The following FOXM1 variants were observed in gnomAD, a reference collection of about 807,000 sequenced individuals.
FOXM1 encodes forkhead box protein M1.
Under a neutral mutation model 63.6 loss-of-function variants are expected in FOXM1, and 25 were observed. The ratio of observed to expected loss-of-function variants is 0.39; its 90% CI spans 0.29 to 0.55. FOXM1 has a LOEUF of 0.55. Ranked by LOEUF, FOXM1 falls within the 20% of genes least tolerant of loss-of-function variation. FOXM1 has a pLI of 0.60. For missense variants in FOXM1, 879 were observed against 958.7 expected, an observed-to-expected ratio of 0.92 and a Z score of 1.10; for synonymous variants, 387 against 376.9, an observed-to-expected ratio of 1.03 and a Z score of -0.31.
At chr12:2,869,593 G>A (rs1057185757) in intron 3 of FOXM1, among the ~76,000 whole-genome samples, 3 of 151,912 alleles carry the variant, frequency 2.0e-5, no homozygotes, top group Non-Finnish European at 4.4e-5. Flanking sequence ...CTGCCACCAC[G>A]CCCAGCTACT....
chr12:2,870,535 C>T (rs2098131305), intron 3 of FOXM1, among the ~76,000 whole-genome samples: 2 of 151,512 alleles, frequency 1.3e-5, no homozygotes, highest in Non-Finnish European at 2.9e-5. Flanking sequence ...TGGTGGCGGG[C>T]GCCTATAGTC....
intron 8 of FOXM1, among the ~76,000 whole-genome samples, chr12:2,861,899 G>A (rs1037058349): frequency 1.3e-5 from 2 of 152,208 alleles, no homozygotes; most frequent in Non-Finnish European, 2.9e-5. Context: ...GACATGTAGA[G>A]GCTGGGCGTG....
intron 1 of FOXM1, among the ~76,000 whole-genome samples, chr12:2,875,213 A>C (rs569901364): frequency 6.6e-6 from 1 of 152,190 alleles, no homozygotes; most frequent in African/African-American, 2.4e-5. Flanking sequence ...GGCTGGTCTC[A>C]AACTCCTGAC....
chr12:2,863,554 A>ATT lies in FOXM1; in HGVS notation c.1266+764_1266+765dup, dbSNP rs575465056. ...CAGGCATGTACTACCACCGTGGCTAATTTTTTTTTTTGCATTTTTAGCAGA... is the reference window on the plus strand; with the variant it reads ...CAGGCATGTACTACCACCGTGGCTAATTTTTTTTTTTTTGCATTTTTAGCAGA... On this transcript the variant is annotated intron_variant, in intron 8 of 8. Transcript: ENST00000359843. Among the ~76,000 whole-genome samples, 732 of 146,262 alleles carry ATT rather than the reference A, an allele frequency of 5.0e-3. 6 individuals carry two copies. The highest frequency in any genetic ancestry group is 0.017 in the African/African-American group (695 of 40,034).
At chr12:2,875,218 C>G (rs2098140449) in intron 1 of FOXM1, among the ~76,000 whole-genome samples, 1 of 152,180 alleles carries the variant, frequency 6.6e-6, no homozygotes, top group Non-Finnish European at 1.5e-5. Context: ...GTCTCAAACT[C>G]CTGACCTCAG....
chr12:2,867,530 C>T (rs948605121), intron 4 of FOXM1, among the ~76,000 whole-genome samples: 3 of 151,826 alleles, frequency 2.0e-5, no homozygotes, highest in Non-Finnish European at 4.4e-5. Context: ...GGCGTAGTGG[C>T]GGGCGCCTGT....
At position 2,874,776 on chromosome 12, in the gene FOXM1, T is replaced by C. The variant is rs1164827831; in HGVS notation, c.-47-251A>G. Among the ~76,000 whole-genome samples the C allele has an allele frequency of 6.6e-6, 1 of 152,020 alleles. No homozygotes were observed. The highest frequency in any genetic ancestry group is 6.6e-5 in the Admixed American group (1 of 15,242). On this transcript the variant is annotated intron_variant, in intron 1 of 8. Coordinates refer to ENST00000359843, the MANE Select transcript of FOXM1 (RefSeq NM_021953.4). The surrounding 1 kb of genome is among the most constrained non-coding windows in gnomAD (Gnocchi z 4.3). ...GACTGGGTTGGAGATAAGACAAAGA[T>C]CTCCTTGAAGCTTCAGAATATTTGG...
At position 2,866,495 on chromosome 12, in the gene FOXM1, C is replaced by T; in HGVS notation, c.873G>A (p.Leu291=). 1 of 1,569,484 alleles carries T rather than the reference C, an allele frequency of 6.4e-7. No homozygotes were observed. Among genetic ancestry groups the T allele is most frequent in the Admixed American group, 2.0e-5 (1 of 51,130 alleles). ...WKNSIRHNLS[L]HDMFVRETSA... ...ACGTCTCCCGGACAAACATGTCGTGCAGGGAAAGGTTGTGGCGGATGGAGT... is the reference window on the plus strand; with the variant it reads ...ACGTCTCCCGGACAAACATGTCGTGTAGGGAAAGGTTGTGGCGGATGGAGT... The change falls in exon 5 of 9, where the codon CTG becomes CTA. Residue 291 remains leucine (L), a synonymous_variant. Coordinates refer to ENST00000359843, the MANE Select transcript of FOXM1 (RefSeq NM_021953.4).
Position 2,864,533 on chromosome 12 carries a change from G to A in FOXM1, c.1091-38C>T, listed in dbSNP as rs983093686. On this transcript the variant is annotated intron_variant, in intron 7 of 8. Coordinates refer to ENST00000359843, the MANE Select transcript of FOXM1 (RefSeq NM_021953.4). This position sits in a 1 kb window ranked among gnomAD's most constrained non-coding sequence, Gnocchi z 5.1. The stretch of plus-strand genomic sequence containing the variant: ...ACGAGAGATCAGGAGCAGGGGGACT[G>A]GAGTACACCCCTTCTCAGCCCCAGG... 1.3e-6 allele frequency: 2 copies of A among 1,597,452 alleles called. No homozygotes were observed. Among genetic ancestry groups the A allele is most frequent in the Admixed American group, 3.4e-5 (2 of 59,304 alleles).
intron 2 of FOXM1, among the ~76,000 whole-genome samples, chr12:2,873,586 A>ATT (rs111264091): frequency 1.1e-4 from 16 of 144,242 alleles, no homozygotes; most frequent in African/African-American, 4.1e-4. Context: ...TTTCATTTTT[A>ATT]TTTTTTTTTT....
chr12:2,872,803 G>T lies in FOXM1; in HGVS notation c.503-556C>A, dbSNP rs1203501574. 6.6e-6 allele frequency among the ~76,000 whole-genome samples: 1 copy of T among 151,974 alleles called. No individual in the cohort carries two copies. Among genetic ancestry groups the T allele is most frequent in the Non-Finnish European group, 1.5e-5 (1 of 68,008 alleles). ...ACACTGAGCCTTAGAGATCAATCAAGGCAGGCTTACAAAAGAATTATTGAG... is the reference window on the plus strand; with the variant it reads ...ACACTGAGCCTTAGAGATCAATCAATGCAGGCTTACAAAAGAATTATTGAG... On this transcript the variant is annotated intron_variant, in intron 2 of 8. Transcript: ENST00000359843. The surrounding 1 kb of genome is among the most constrained non-coding windows in gnomAD (Gnocchi z 4.0).
At chr12:2,862,181 GAAAA>G (rs962205817) in intron 8 of FOXM1, among the ~76,000 whole-genome samples, 1 of 102,422 alleles carries the variant, frequency 9.8e-6, no homozygotes, top group East Asian at 3.0e-4. Flanking sequence ...TCCGTCTCAG[GAAAA>G]AAAAAAAAAA....
intron 8 of FOXM1, among the ~76,000 whole-genome samples, chr12:2,862,007 C>G (rs999119357): frequency 6.6e-6 from 1 of 151,932 alleles, no homozygotes; most frequent in Non-Finnish European, 1.5e-5. Flanking sequence ...GGTGAAACCC[C>G]ATCTCTACTA....
chr12:2,865,338 G>T lies in FOXM1; in HGVS notation c.1020+17C>A. The T allele has an allele frequency of 6.2e-7, 1 of 1,605,244 alleles. No individual in the cohort carries two copies. Among genetic ancestry groups the T allele is most frequent in the Non-Finnish European group, 8.5e-7 (1 of 1,175,164 alleles). On this transcript the variant is annotated intron_variant, in intron 6 of 8. Transcript: ENST00000359843. ...GAAAACAAGGCCAAGCCCCGAGCCA[G>T]AGGGAAAGAACCTTACTGATTCCAA...
intron 3 of FOXM1, among the ~76,000 whole-genome samples, chr12:2,870,264 T>C (rs2098130708): frequency 6.6e-6 from 1 of 152,214 alleles, no homozygotes; most frequent in Admixed American, 6.5e-5. Context: ...GCATGAGTTA[T>C]CGCGCCTGGC....
At chr12:2,862,217 T>G (rs919427491) in intron 8 of FOXM1, among the ~76,000 whole-genome samples, 1 of 149,782 alleles carries the variant, frequency 6.7e-6, no homozygotes, top group Middle Eastern at 3.2e-3. Context: ...TAGAGAAGTA[T>G]GCACAACATG....
In FOXM1 at chr12:2,859,356, CG is replaced by C. The variant is rs746877436; in HGVS notation, c.1573del (p.Arg525GlyfsTer8). The C allele has an allele frequency of 6.2e-7, 1 of 1,613,728 alleles. No homozygotes were observed. Among genetic ancestry groups the C allele is most frequent in the Non-Finnish European group, 8.5e-7 (1 of 1,179,976 alleles). ...KSYSGLRSPT[R>X]CVSEMLVIQH... is the part of the protein sequence containing the mutation. ...AATCACAAGCATTTCCGAGACACAC[CG>C]GGTTGGGGACCTAAGCCCACTGTAG... On this transcript the variant is annotated frameshift_variant, in exon 9 of 9. Coordinates refer to ENST00000359843, the MANE Select transcript of FOXM1 (RefSeq NM_021953.4). LOFTEE classifies it high-confidence loss of function.
At chr12:2,873,895 AAGCATC>A in intron 2 of FOXM1, 76 bp downstream of exon 2, 1 of 1,440,376 alleles carries the variant, frequency 6.9e-7, no homozygotes, top group Non-Finnish European at 9.4e-7. Context: ...TGACTGTTGT[AAGCATC>A]AAGACTGACT....
chr12:2,867,742 G>A (rs1227201487), intron 4 of FOXM1, among the ~76,000 whole-genome samples: 6 of 151,222 alleles, frequency 4.0e-5, no homozygotes, highest in East Asian at 3.9e-4. Flanking sequence ...TTGGGAGGTC[G>A]AGACGGGTGG....
Sources: gnomAD v4.1 joint callset for allele counts (sites outside exome capture counted in the v4.1 genomes callset) on GRCh38, gnomAD v4.1.1 for gene constraint, Gnocchi (gnomAD v3.1) non-coding constraint, MANE v1.5 for transcripts, NCBI Gene and HGNC (gene_info 2026-07-23, HGNC 2026-07-21) for gene names.